SULT1C4: variants seen among roughly 807,000 people sequenced by gnomAD.
SULT1C4 encodes sulfotransferase family 1C member 4.
Under a neutral mutation model 34.8 loss-of-function variants are expected in SULT1C4, and 32 were observed. That is an observed-to-expected ratio of 0.92 (90% CI 0.69 to 1.23). The LOEUF (loss-of-function observed/expected upper bound fraction) is 1.23. Among genes scored for constraint, SULT1C4 ranks in the 50% most tolerant of loss-of-function variants. The pLI, the probability that SULT1C4 is intolerant of heterozygous loss-of-function variation, is 0.00. For synonymous variants in SULT1C4, 111 were observed against 120.5 expected (o/e 0.92, Z 0.51); for missense variants, 375 against 365.9 (o/e 1.02, Z -0.20).
At chr2:108,383,244 C>T (rs1212842875) in intron 4 of SULT1C4, 25 bp downstream of exon 4, 1 of 1,605,892 alleles carries the variant, frequency 6.2e-7, no homozygotes, top group South Asian at 1.1e-5. Flanking sequence ...CTTTGTTTCC[C>T]TTCGTTTCTC....
chr2:108,384,089 G>C (rs1352861808), intron 5 of SULT1C4, among the ~76,000 whole-genome samples: 1 of 151,888 alleles, frequency 6.6e-6, no homozygotes, highest in African/African-American at 2.4e-5. Flanking sequence ...GGCTGGTTTT[G>C]AACTCCTGAT....
At chr2:108,380,182 C>T (rs1215482436) in intron 1 of SULT1C4, among the ~76,000 whole-genome samples, 1 of 152,106 alleles carries the variant, frequency 6.6e-6, no homozygotes, top group Non-Finnish European at 1.5e-5. Context: ...GAGTTTCGGC[C>T]AGATAATACA....
In SULT1C4 at chr2:108,388,931, C is replaced by T. The variant is rs1428011099; in HGVS notation, c.*1499C>T. 6.6e-6 allele frequency among the ~76,000 whole-genome samples: 1 copy of T among 152,196 alleles called. No individual in the cohort carries two copies. The highest frequency in any genetic ancestry group is 2.4e-5 in the African/African-American group (1 of 41,442). On this transcript the variant is annotated 3_prime_UTR_variant, in exon 7 of 7. Coordinates refer to ENST00000272452, the MANE Select transcript of SULT1C4 (RefSeq NM_006588.4). ...AAAGCACTCTTGCTTTTCTGAAGTC[C>T]TCTATACTTAGTGTAACTCTTCTGT...
rs57444248 is a variant in SULT1C4, at chr2:108,387,795, ATTT to A, written c.*380_*382del. ...TCAGATTAAGTTTTGGTTCAAGTTA[ATTT>A]TTTTTTTTTTTTTTTTGAGACGGAG... On this transcript the variant is annotated 3_prime_UTR_variant, in exon 7 of 7. Coordinates refer to ENST00000272452, the MANE Select transcript of SULT1C4 (RefSeq NM_006588.4). The A allele has an allele frequency of 2.4e-4, 34 of 140,716 alleles. No homozygotes were observed. Among genetic ancestry groups the A allele is most frequent in the South Asian group, 6.6e-4 (3 of 4,558 alleles). 8.7% of individuals were successfully genotyped at this position (140,716 alleles called of 1,614,324 possible).
intron 1 of SULT1C4, among the ~76,000 whole-genome samples, chr2:108,378,710 T>A (rs1374620174): frequency 6.8e-6 from 1 of 147,674 alleles, no homozygotes; most frequent in African/African-American, 2.5e-5. Flanking sequence ...CTTCCTATGA[T>A]ACTATGATGT....
rs1028296839 is a variant in SULT1C4 at position 108,382,307 on chromosome 2, A to G, written c.296-78A>G. ...TATAGATGCTTTGAATTGTAGTAGTAATAATGGAAGCAGCAAGACTTGGAA... is the reference window on the plus strand; with the variant it reads ...TATAGATGCTTTGAATTGTAGTAGTGATAATGGAAGCAGCAAGACTTGGAA... On this transcript the variant is annotated intron_variant, in intron 2 of 6. Transcript: ENST00000272452. The G allele has an allele frequency of 3.6e-6, 4 of 1,113,324 alleles. No homozygotes were observed. In the African/African-American group the frequency reaches 6.2e-5, roughly 17 times the overall value. 69.0% of individuals were successfully genotyped at this position (1,113,324 alleles called of 1,614,324 possible).
chr2:108,381,715 T>G (rs1287682323), intron 1 of SULT1C4, 47 bp from the exon 2 acceptor site: 4 of 1,325,582 alleles, frequency 3.0e-6, no homozygotes, highest in African/African-American at 1.5e-5. Context: ...TTTTAAGGAA[T>G]GTACTATACT....
rs367696220 is a variant in SULT1C4 at position 108,383,425 on chromosome 2, G to A, written c.530G>A (p.Gly177Asp). Residue 177 changes from glycine to aspartate, a missense_variant, in exon 5 of 7, where the codon GGC becomes GAC. Coordinates refer to ENST00000272452, the MANE Select transcript of SULT1C4 (RefSeq NM_006588.4). ...ETFLAGKVCW[G>D]SWHEHVKGWW... The stretch of plus-strand genomic sequence containing the variant: ...CCATCCCATCCTCCAGTGTGCTGGG[G>A]CTCCTGGCATGAACATGTGAAAGGA... 6.2e-7 allele frequency: 1 copy of A among 1,613,964 alleles called. No individual in the cohort carries two copies. Among genetic ancestry groups the A allele is most frequent in the African/African-American group, 1.3e-5 (1 of 74,902 alleles).
intron 3 of SULT1C4, chr2:108,382,747 C>T: frequency 2.4e-6 from 1 of 412,726 alleles, no homozygotes; most frequent in Non-Finnish European, 4.3e-6. Flanking sequence ...CTACCAAAAA[C>T]ACAAAATTCA....
chr2:108,387,475 T>A lies in SULT1C4; in HGVS notation c.*43T>A, dbSNP rs1558703603. On this transcript the variant is annotated 3_prime_UTR_variant, in exon 7 of 7. Transcript: ENST00000272452. ...AAATGTTTTAGTTTATTACCCAGTA[T>A]ATTTGGGTAATAATGAAAGTTTAAT... The A allele has an allele frequency of 6.4e-6, 8 of 1,257,874 alleles. No homozygotes were observed. Among genetic ancestry groups the A allele is most frequent in the Non-Finnish European group, 9.1e-6 (8 of 874,616 alleles). The allele number at this position is 1,257,874 out of a possible 1,614,324, so 77.9% of individuals were successfully genotyped here. A position where few individuals can be genotyped will look rare whatever the true frequency, so the allele number is the denominator to read the frequency against.
At chr2:108,385,462 T>C (rs2104347979) in intron 5 of SULT1C4, among the ~76,000 whole-genome samples, 1 of 152,312 alleles carries the variant, frequency 6.6e-6, no homozygotes, top group Non-Finnish European at 1.5e-5. Flanking sequence ...TCCTAGCCTG[T>C]GTGAGGTCAA....
In SULT1C4 at chr2:108,382,345, A is replaced by G. The variant is rs548847736; in HGVS notation, c.296-40A>G. The G allele has an allele frequency of 1.5e-5, 24 of 1,552,864 alleles. No homozygotes were observed. In the East Asian group the frequency reaches 5.2e-4, roughly 33 times the overall value. On this transcript the variant is annotated intron_variant, in intron 2 of 6. Transcript: ENST00000272452. The stretch of plus-strand genomic sequence containing the variant: ...GCAAGACTTGGAAGCAAATAGATAA[A>G]AAAAAAATCGTAGAAATTGATCGAA...
intron 5 of SULT1C4, among the ~76,000 whole-genome samples, chr2:108,383,866 T>G (rs981460061): frequency 8.8e-5 from 13 of 148,536 alleles, no homozygotes; most frequent in South Asian, 2.1e-4. Context: ...TTTTTTTGTT[T>G]TTGTTTTTGT....
chr2:108,383,661 G>C, intron 5 of SULT1C4, 151 bp downstream of exon 5: 1 of 631,506 alleles, frequency 1.6e-6, no homozygotes, highest in Non-Finnish European at 2.7e-6. Context: ...AGTGCACATG[G>C]CTGATCATGA....
chr2:108,381,925 A>C, intron 2 of SULT1C4, 38 bp downstream of exon 2: 1 of 1,430,056 alleles, frequency 7.0e-7, no homozygotes, highest in Non-Finnish European at 9.2e-7. Flanking sequence ...CAGTCCTAAA[A>C]TGCACTTAGG....
At chr2:108,386,531 G>A (rs762495529) in intron 6 of SULT1C4, among the ~76,000 whole-genome samples, 159 bp downstream of exon 6, 25 of 152,166 alleles carry the variant, frequency 1.6e-4, no homozygotes, top group Admixed American at 5.2e-4. Flanking sequence ...TGAAAATCGC[G>A]TTTAATTAGC....
In SULT1C4 at chr2:108,381,974, T is replaced by C. The variant is rs1338901933; in HGVS notation, c.295+87T>C. Reference sequence around the variant, plus strand: ...TTGCACCTTTCGAAATTATAGGCTTTCAAACAATTATTGGTAAGTTTCATG... The same window carrying C: ...TTGCACCTTTCGAAATTATAGGCTTCCAAACAATTATTGGTAAGTTTCATG... On this transcript the variant is annotated intron_variant, in intron 2 of 6. Transcript: ENST00000272452. 6 of 1,336,998 alleles carry C rather than the reference T, an allele frequency of 4.5e-6. No homozygotes were observed. The East Asian group carries it at 1.3e-4, about 30-fold the overall frequency. The allele number at this position is 1,336,998 out of a possible 1,614,324, so 82.8% of individuals were successfully genotyped here. A position where few individuals can be genotyped will look rare whatever the true frequency, so the allele number is the denominator to read the frequency against.
intron 1 of SULT1C4, among the ~76,000 whole-genome samples, chr2:108,380,860 T>A (rs764558936): frequency 1.3e-5 from 2 of 152,224 alleles, no homozygotes; most frequent in Non-Finnish European, 2.9e-5. Context: ...CTCAGGCTAA[T>A]GCATCTCACT....
chr2:108,388,648 T>C lies in SULT1C4; in HGVS notation c.*1216T>C, dbSNP rs1678631365. Among the ~76,000 whole-genome samples the C allele has an allele frequency of 6.6e-6, 1 of 152,238 alleles. No individual in the cohort carries two copies. The highest frequency in any genetic ancestry group is 2.4e-5 in the African/African-American group (1 of 41,460). On this transcript the variant is annotated 3_prime_UTR_variant, in exon 7 of 7. Coordinates refer to ENST00000272452, the MANE Select transcript of SULT1C4 (RefSeq NM_006588.4). ...GCCTGAAAGATAAATCCCAAGATTT[T>C]AGCCATGCATTCAAGAGCAGCTATA...
Sources: allele counts gnomAD v4.1 joint callset (sites outside exome capture counted in the v4.1 genomes callset), GRCh38; gene constraint gnomAD v4.1.1; transcripts MANE v1.5; gene names NCBI Gene and HGNC (gene_info 2026-07-23, HGNC 2026-07-21).